ARHGEF18: variants seen among roughly 807,000 people sequenced by gnomAD.
The protein encoded by ARHGEF18 is Rho/Rac guanine nucleotide exchange factor 18.
A neutral mutation model predicts 155.7 loss-of-function variants in ARHGEF18; 93 were observed. That is an observed-to-expected ratio of 0.60 (90% CI 0.50 to 0.71). The LOEUF (loss-of-function observed/expected upper bound fraction) is 0.71, where lower values mean the gene tolerates loss of function less well. Among genes scored for constraint, ARHGEF18 ranks in the 30% least tolerant of loss-of-function variants. The pLI, the probability that ARHGEF18 is intolerant of heterozygous loss-of-function variation, is 0.00. For synonymous variants in ARHGEF18, 742 were observed against 753.1 expected (o/e 0.99, Z 0.24); for missense variants, 1,593 against 1,816.1 (o/e 0.88, Z 2.23).
intron 10 of ARHGEF18, among the ~76,000 whole-genome samples, chr19:7,397,475 T>A (rs1971780283): frequency 6.7e-6 from 1 of 149,858 alleles, no homozygotes; most frequent in Non-Finnish European, 1.5e-5. Flanking sequence ...CTCACACCTG[T>A]AATCCCAGCA....
At chr19:7,466,842 G>GAAA in intron 23 of ARHGEF18, 76 bp from the exon 24 acceptor site, 2 of 687,414 alleles carry the variant, frequency 2.9e-6, no homozygotes, top group Non-Finnish European at 4.7e-6. Context: ...AAAAAAAGAA[G>GAAA]AAGAAGAAGA....
At chr19:7,368,007 G>GGAAGGA (rs1568270664) in intron 2 of ARHGEF18, among the ~76,000 whole-genome samples, 15 of 89,244 alleles carry the variant, frequency 1.7e-4, no homozygotes, top group African/African-American at 5.7e-4. Context: ...GAGAGGGAGG[G>GGAAGGA]AGGGAGGGAG....
Position 7,386,677 on chromosome 19 carries a change from AAG to A in ARHGEF18, c.967+3477_967+3478del, listed in dbSNP as rs375303235. Among the ~76,000 whole-genome samples the A allele has an allele frequency of 2.6e-4, 40 of 152,110 alleles. 1 individual carries two copies. The highest frequency in any genetic ancestry group is 3.9e-4 in the Admixed American group (6 of 15,266). On this transcript the variant is annotated intron_variant, in intron 10 of 28. Coordinates refer to ENST00000668164, the MANE Select transcript of ARHGEF18 (RefSeq NM_001367823.1). ...GCCAGTGTGCTTGAAGTGGAGGTAGAAGAGGTCTGTCGGAACCTGTTGCAGGT... is the reference window on the plus strand; with the variant it reads ...GCCAGTGTGCTTGAAGTGGAGGTAGAAGGTCTGTCGGAACCTGTTGCAGGT...
intron 10 of ARHGEF18, among the ~76,000 whole-genome samples, chr19:7,429,140 T>C (rs1973821857): frequency 6.6e-6 from 1 of 150,750 alleles, no homozygotes; most frequent in Middle Eastern, 3.4e-3. Context: ...CCCCCTGGTA[T>C]GGCATGTCAG....
At position 7,470,000 on chromosome 19, in the gene ARHGEF18, C is replaced by T. The variant is rs1472016307; in HGVS notation, c.3884C>T (p.Pro1295Leu). ...CGCCGCTCGCTGAGCCCTATCCTGC[C>T]CGGCAGACACAGTCCTGCGCCCCCA... ...RNRRSLSPIL[P>L]GRHSPAPPPD... The change falls in exon 28 of 29, where the codon CCC becomes CTC. Residue 1295 changes from proline (P) to leucine (L), a missense_variant. By Grantham distance (98) the Pro-to-Leu change is moderately conservative. Coordinates refer to ENST00000668164, the MANE Select transcript of ARHGEF18 (RefSeq NM_001367823.1). 3.1e-6 allele frequency: 5 copies of T among 1,613,046 alleles called. No individual in the cohort carries two copies. Among genetic ancestry groups the T allele is most frequent in the East Asian group, 2.2e-5 (1 of 44,860 alleles).
rs368592342 is a variant in ARHGEF18, at chr19:7,442,077, A to T, written c.1360+25A>T. 7.6e-5 allele frequency: 123 copies of T among 1,612,402 alleles called. No individual in the cohort carries two copies. In the African/African-American group the frequency reaches 1.5e-3, roughly 19 times the overall value. On this transcript the variant is annotated intron_variant, in intron 13 of 28. Coordinates refer to ENST00000668164, the MANE Select transcript of ARHGEF18 (RefSeq NM_001367823.1). ...GGTGAGGAGTCCACAGCCCTGTGCC[A>T]TCACACCGGCCCTCCACTCTCTTCT...
chr19:7,384,293 A>G (rs138514719), intron 10 of ARHGEF18, among the ~76,000 whole-genome samples: 1 of 152,268 alleles, frequency 6.6e-6, no homozygotes, highest in Non-Finnish European at 1.5e-5. Context: ...CAGTTGCAAC[A>G]ATCAAAAATG....
rs1180232670 is a variant in ARHGEF18, at chr19:7,403,656, TC to T, written c.967+20455del. The stretch of plus-strand genomic sequence containing the variant: ...GGGCGCAAGCAATCCTCCCGCTTTG[TC>T]CTCCTAAGTAGCTGGCACTACAGGT... On this transcript the variant is annotated intron_variant, in intron 10 of 28. Transcript: ENST00000668164. 8.1e-4 allele frequency among the ~76,000 whole-genome samples: 123 copies of T among 151,902 alleles called. 2 individuals are homozygous for T. Among genetic ancestry groups the T allele is most frequent in the Non-Finnish European group, 2.1e-4 (14 of 67,956 alleles).
chr19:7,387,488 A>G (rs552946835), intron 10 of ARHGEF18, among the ~76,000 whole-genome samples: 2 of 152,140 alleles, frequency 1.3e-5, no homozygotes, highest in Admixed American at 1.3e-4. Context: ...GTTTGTTTGC[A>G]TACGCTGAAA....
rs576114659 is a variant in ARHGEF18, at chr19:7,442,758, T to C, written c.1360+706T>C. On this transcript the variant is annotated intron_variant, in intron 13 of 28. Coordinates refer to ENST00000668164, the MANE Select transcript of ARHGEF18 (RefSeq NM_001367823.1). ...TTAGAAGCCACAGAAGTTTATTGCT[T>C]ACAGTTCTAGAGGCTGGGACGTCTA... Among the ~76,000 whole-genome samples the C allele has an allele frequency of 2.0e-5, 3 of 152,340 alleles. No individual in the cohort carries two copies. In the South Asian group the frequency reaches 6.2e-4, roughly 32 times the overall value.
At position 7,354,729 on chromosome 19, in the gene ARHGEF18, C is replaced by A. The variant is rs137926076; in HGVS notation, c.-111+5488C>A. On this transcript the variant is annotated intron_variant, in intron 1 of 28. Coordinates refer to ENST00000668164, the MANE Select transcript of ARHGEF18 (RefSeq NM_001367823.1). ...CAGCCTGGGCAACATAGTGAGACCC[C>A]AGCTCTACAAAAAATACAAAACTTA... Among the ~76,000 whole-genome samples, 987 of 144,366 alleles carry A rather than the reference C, an allele frequency of 6.8e-3. 14 individuals are homozygous for A. The highest frequency in any genetic ancestry group is 0.023 in the African/African-American group (950 of 40,762). The allele number at this position is 144,366 out of a possible 152,430, so 94.7% of individuals were successfully genotyped here. A position where few individuals can be genotyped will look rare whatever the true frequency, so the allele number is the denominator to read the frequency against.
rs141219004 is a variant in ARHGEF18 at position 7,361,785 on chromosome 19, G to A, written c.-110-996G>A. Among the ~76,000 whole-genome samples the A allele has an allele frequency of 3.4e-3, 515 of 152,068 alleles. 3 individuals carry two copies. The highest frequency in any genetic ancestry group is 0.012 in the African/African-American group (495 of 41,460). On this transcript the variant is annotated intron_variant, in intron 1 of 28. Coordinates refer to ENST00000668164, the MANE Select transcript of ARHGEF18 (RefSeq NM_001367823.1). ...AGGCATGCAGATCACCTGAGGTCAG[G>A]AGTTCTAGACTAGCCTGGCCAACAT...
At chr19:7,424,520 C>G (rs191937758) in intron 10 of ARHGEF18, among the ~76,000 whole-genome samples, 1 of 152,066 alleles carries the variant, frequency 6.6e-6, no homozygotes, top group Non-Finnish European at 1.5e-5. Context: ...ACGATTAAAG[C>G]GATACTTACA....
At position 7,379,145 on chromosome 19, in the gene ARHGEF18, A is replaced by C; in HGVS notation, c.623A>C (p.Gln208Pro). 1 of 1,232,634 alleles carries C rather than the reference A, an allele frequency of 8.1e-7. No individual in the cohort carries two copies. The highest frequency in any genetic ancestry group is 1.0e-6 in the Non-Finnish European group (1 of 988,388). 76.4% of individuals were successfully genotyped at this position (1,232,634 alleles called of 1,614,324 possible). The change falls in exon 7 of 29, where the codon CAA (glutamine) becomes CCA (proline). Residue 208 changes from glutamine (Q) to proline (P), a missense_variant. Transcript: ENST00000668164. ...AGGCTGATTGTCCAGCAGGTGCTTC[A>C]AGAACTTCGACAGTACCATGGGTAA... Reference protein sequence around the residue: ...DHVLIVQQVLQELRQYHGARQ... With the variant: ...DHVLIVQQVLPELRQYHGARQ...
chr19:7,446,903 AAAAAAAAAG>A (rs1975030323), intron 14 of ARHGEF18, 131 bp from the exon 15 acceptor site: 2 of 1,182,042 alleles, frequency 1.7e-6, no homozygotes, highest in Non-Finnish European at 2.3e-6. Context: ...CTCAAAAAAA[AAAAAAAAAG>A]AAGAAGAAAG....
In ARHGEF18 at chr19:7,471,978, G is replaced by A. The variant is rs1233611568; in HGVS notation, c.*1680G>A. 6.6e-6 allele frequency: 1 copy of A among 152,474 alleles called. No individual in the cohort carries two copies. The highest frequency in any genetic ancestry group is 1.5e-5 in the Non-Finnish European group (1 of 68,080). The allele number at this position is 152,474 out of a possible 1,614,324, so 9.4% of individuals were successfully genotyped here. A position where few individuals can be genotyped will look rare whatever the true frequency, so the allele number is the denominator to read the frequency against. Reference sequence around the variant, plus strand: ...GTGCCATGTTTATCATCAGTGTTTTGTATTTTTGTACTGAGTATCGGAGCA... The same window carrying A: ...GTGCCATGTTTATCATCAGTGTTTTATATTTTTGTACTGAGTATCGGAGCA... On this transcript the variant is annotated 3_prime_UTR_variant, in exon 29 of 29. Transcript: ENST00000668164. The surrounding 1 kb of genome is among the most constrained non-coding windows in gnomAD (Gnocchi z 4.4).
Position 7,471,883 on chromosome 19 carries a change from C to T in ARHGEF18, c.*1585C>T, listed in dbSNP as rs7258479. 0.075 allele frequency: 11,441 copies of T among 152,432 alleles called. 795 individuals carry two copies. Among genetic ancestry groups the T allele is most frequent in the African/African-American group, 0.18 (7,646 of 41,482 alleles). 9.4% of individuals were successfully genotyped at this position (152,432 alleles called of 1,614,324 possible). The stretch of plus-strand genomic sequence containing the variant: ...GTCCCCAGGCTCCTGGCCCCTCCGA[C>T]GACCTCAACTCTGCCCAGCCCGGTC... On this transcript the variant is annotated 3_prime_UTR_variant, in exon 29 of 29. Coordinates refer to ENST00000668164, the MANE Select transcript of ARHGEF18 (RefSeq NM_001367823.1). This position sits in a 1 kb window ranked among gnomAD's most constrained non-coding sequence, Gnocchi z 4.4.
intron 1 of ARHGEF18, among the ~76,000 whole-genome samples, chr19:7,362,070 GGAGA>G (rs1969608901): frequency 3.3e-5 from 1 of 29,888 alleles, no homozygotes; most frequent in Non-Finnish European, 6.2e-5. Flanking sequence ...AGAAGGAGAA[GGAGA>G]AGGAGAAGGA....
chr19:7,358,845 A>G (rs1969430996), intron 1 of ARHGEF18, among the ~76,000 whole-genome samples: 1 of 152,208 alleles, frequency 6.6e-6, no homozygotes, highest in Non-Finnish European at 1.5e-5. Flanking sequence ...TGGGCTTAGC[A>G]CTAAGCCAGA....
Sources: allele counts gnomAD v4.1 joint callset (sites outside exome capture counted in the v4.1 genomes callset), GRCh38; gene constraint gnomAD v4.1.1; non-coding constraint Gnocchi (gnomAD v3.1); transcripts MANE v1.5; gene names NCBI Gene and HGNC (gene_info 2026-07-23, HGNC 2026-07-21).